The following RRAGC variants were observed in gnomAD, a reference collection of about 807,000 sequenced individuals.
RRAGC encodes the protein Ras related GTP binding C, also known as ras-related GTP-binding protein C.
Under a neutral mutation model 37.1 loss-of-function variants are expected in RRAGC, and 8 were observed. The ratio of observed to expected loss-of-function variants is 0.22; its 90% confidence interval spans 0.13 to 0.39. The LOEUF is 0.39. RRAGC is among the 10% of genes least tolerant of loss of function. RRAGC has a pLI of 1.00. For synonymous variants in RRAGC, 190 were observed against 181.1 expected (o/e 1.05, Z -0.39); for missense variants, 342 against 497.6 (o/e 0.69, Z 2.98).
At position 38,839,611 on chromosome 1, in the gene RRAGC, G is replaced by C. The variant is rs373907856; in HGVS notation, c.1142C>G (p.Thr381Ser). 2 of 1,614,030 alleles carry C rather than the reference G, an allele frequency of 1.2e-6. No homozygotes were observed. Among genetic ancestry groups the C allele is most frequent in the African/African-American group, 2.7e-5 (2 of 74,918 alleles). The change falls in exon 7 of 7, where the codon ACT becomes AGT. Residue 381 changes from threonine (T) to serine (S), a missense_variant. Physicochemically the swap from Thr to Ser is moderately conservative, Grantham distance 58. Transcript: ENST00000373001. The part of the protein sequence containing the change: ...VTSHRSCGHQ[T>S]SASSLKALTH... Reference sequence around the variant, plus strand: ...CAGCGCTTTCAGACTGGAGGCACTAGTCTGGTGACCACAGCTCCTGTGAGA... The same window carrying C: ...CAGCGCTTTCAGACTGGAGGCACTACTCTGGTGACCACAGCTCCTGTGAGA...
chr1:38,842,880 G>A (rs1356250559), intron 6 of RRAGC, among the ~76,000 whole-genome samples: 4 of 152,264 alleles, frequency 2.6e-5, no homozygotes, highest in African/African-American at 7.2e-5. Context: ...AAAACCACCT[G>A]AAGGAAAAGA....
At chr1:38,848,949 T>C (rs1402372297) in intron 5 of RRAGC, among the ~76,000 whole-genome samples, 2 of 151,762 alleles carry the variant, frequency 1.3e-5, no homozygotes, top group African/African-American at 2.4e-5. Context: ...CTAGGCAACA[T>C]AGTGAGACCC....
At chr1:38,840,410 G>A (rs115070105) in intron 6 of RRAGC, among the ~76,000 whole-genome samples, 6,855 of 152,244 alleles carry the variant, frequency 0.045, 527 homozygotes, top group African/African-American at 0.16. Flanking sequence ...TACACAGCAC[G>A]ATAGAGGGTA....
At chr1:38,850,077 G>A (rs1206163996) in intron 5 of RRAGC, among the ~76,000 whole-genome samples, 6 of 151,470 alleles carry the variant, frequency 4.0e-5, no homozygotes, top group Non-Finnish European at 4.4e-5. Context: ...ATGGTGGCAG[G>A]CACCTATAAT....
rs1022302016 is a variant in RRAGC at position 38,839,166 on chromosome 1, G to C, written c.*387C>G. On this transcript the variant is annotated 3_prime_UTR_variant, in exon 7 of 7. Coordinates refer to ENST00000373001, the MANE Select transcript of RRAGC (RefSeq NM_022157.4). ...CTACTCAAATGAAAGCCTAAGTGAA[G>C]CATATAAAAATTCAGTCTTTTCTAT... The C allele has an allele frequency of 6.0e-6, 1 of 165,392 alleles. No homozygotes were observed. The highest frequency in any genetic ancestry group is 2.4e-5 in the African/African-American group (1 of 41,948). 10.2% of individuals were successfully genotyped at this position (165,392 alleles called of 1,614,324 possible).
rs11810270 is a variant in RRAGC at position 38,846,119 on chromosome 1, G to A, written c.900-32C>T. On this transcript the variant is annotated intron_variant, in intron 5 of 6. Transcript: ENST00000373001. ...TAAAAGAAAGTACTATTCATTACAGGTTTCCCATCTAGGCATCTGCCACAT... is the reference window on the plus strand; with the variant it reads ...TAAAAGAAAGTACTATTCATTACAGATTTCCCATCTAGGCATCTGCCACAT... 4,073 of 1,566,698 alleles carry A rather than the reference G, an allele frequency of 2.6e-3. 78 individuals are homozygous for A. In the African/African-American group the frequency reaches 0.045, roughly 17 times the overall value.
Position 38,839,590 on chromosome 1 carries a change from G to A in RRAGC, c.1163C>T (p.Ala388Val), listed in dbSNP as rs759007028. 8.1e-6 allele frequency: 13 copies of A among 1,614,032 alleles called. No individual in the cohort carries two copies. The highest frequency in any genetic ancestry group is 3.3e-5 in the Admixed American group (2 of 60,002). The change falls in exon 7 of 7, where the codon GCG becomes GTG. Residue 388 changes from alanine (A) to valine (V), a missense_variant. Around this residue, in one of 3 missense-constraint regions of RRAGC, gnomAD observed 104 missense variants for 127.0 expected, o/e 0.82. Transcript: ENST00000373001. ...GHQTSASSLK[A>V]LTHNGTPRNA... ...TCGTGGCGTGCCATTGTGTGTCAGC[G>A]CTTTCAGACTGGAGGCACTAGTCTG...
intron 2 of RRAGC, chr1:38,856,653 A>G (rs1443428905): frequency 2.4e-6 from 1 of 419,240 alleles, no homozygotes; most frequent in African/African-American, 2.0e-5. Flanking sequence ...CTGCTCATCA[A>G]CTAGGACTCA....
rs1295021222 is a variant in RRAGC at position 38,851,558 on chromosome 1, T to C, written c.899+57A>G. Reference sequence around the variant, plus strand: ...CTCAGAAATTAGTCTTCTGAACAAATCAAGTTAATAGTTTTCCGCCTGTCT... The same window carrying C: ...CTCAGAAATTAGTCTTCTGAACAAACCAAGTTAATAGTTTTCCGCCTGTCT... On this transcript the variant is annotated intron_variant, in intron 5 of 6. Coordinates refer to ENST00000373001, the MANE Select transcript of RRAGC (RefSeq NM_022157.4). 5 of 1,433,428 alleles carry C rather than the reference T, an allele frequency of 3.5e-6. No homozygotes were observed. The Admixed American group carries it at 1.3e-4, about 39-fold the overall frequency. 88.8% of individuals were successfully genotyped at this position (1,433,428 alleles called of 1,614,324 possible).
intron 5 of RRAGC, chr1:38,851,379 T>C (rs944165723): frequency 7.6e-5 from 24 of 317,002 alleles, no homozygotes; most frequent in Admixed American, 4.8e-5. Context: ...CTTGCAGTGA[T>C]AAACAAGTCC....
intron 5 of RRAGC, among the ~76,000 whole-genome samples, chr1:38,848,707 A>G (rs1642056108): frequency 6.6e-6 from 1 of 152,192 alleles, no homozygotes; most frequent in African/African-American, 2.4e-5. Flanking sequence ...AAGGCAGGCC[A>G]AGAGTGGTGG....
At chr1:38,844,448 G>GAAAA (rs770037090) in intron 6 of RRAGC, among the ~76,000 whole-genome samples, 1 of 98,142 alleles carries the variant, frequency 1.0e-5, no homozygotes. Context: ...CAGGACTGAG[G>GAAAA]AAAAAAAAAA....
Position 38,859,727 on chromosome 1 carries a change from C to G in RRAGC, c.-81G>C. On this transcript the variant is annotated 5_prime_UTR_variant, in exon 1 of 7. Transcript: ENST00000373001. The stretch of plus-strand genomic sequence containing the variant: ...CCGCCGCCTCCCCAGTCCGCCTCCG[C>G]CGCCGCCGCCACCACCGCCACCGCC... 1 of 1,184,186 alleles carries G rather than the reference C, an allele frequency of 8.4e-7. No homozygotes were observed. The highest frequency in any genetic ancestry group is 1.1e-6 in the Non-Finnish European group (1 of 943,000). 73.4% of individuals were successfully genotyped at this position (1,184,186 alleles called of 1,614,324 possible).
At chr1:38,845,514 T>C (rs1474276523) in intron 6 of RRAGC, among the ~76,000 whole-genome samples, 2 of 151,992 alleles carry the variant, frequency 1.3e-5, no homozygotes, top group Admixed American at 6.6e-5. Context: ...TTAGGAGAAA[T>C]ACCTAATGTA....
Position 38,839,464 on chromosome 1 carries a change from A to G in RRAGC, c.*89T>C, listed in dbSNP as rs1641923572. 2.1e-6 allele frequency: 3 copies of G among 1,433,806 alleles called. No individual in the cohort carries two copies. Among genetic ancestry groups the G allele is most frequent in the Non-Finnish European group, 1.9e-6 (2 of 1,053,598 alleles). The allele number at this position is 1,433,806 out of a possible 1,614,324, so 88.8% of individuals were successfully genotyped here. A position where few individuals can be genotyped will look rare whatever the true frequency, so the allele number is the denominator to read the frequency against. On this transcript the variant is annotated 3_prime_UTR_variant, in exon 7 of 7. Coordinates refer to ENST00000373001, the MANE Select transcript of RRAGC (RefSeq NM_022157.4). ...AGTGGAACAGGCACCAGATTCCCAC[A>G]AGCAGCAGCTCCCATGTCCTGTAGC...
At chr1:38,852,693 G>A (rs1460704238) in intron 3 of RRAGC, 3 of 362,636 alleles carry the variant, frequency 8.3e-6, no homozygotes, top group Non-Finnish European at 1.5e-5. Context: ...TTTACACAGG[G>A]GGCAACTGAA....
At chr1:38,857,590 C>T (rs1424689604) in intron 1 of RRAGC, among the ~76,000 whole-genome samples, 1 of 152,166 alleles carries the variant, frequency 6.6e-6, no homozygotes, top group Non-Finnish European at 1.5e-5. Flanking sequence ...TGAAAACGTC[C>T]AGGGGGAGGC....
intron 1 of RRAGC, 33 bp from the exon 2 acceptor site, chr1:38,857,115 T>C (rs767435792): frequency 2.8e-6 from 4 of 1,454,468 alleles, no homozygotes; most frequent in East Asian, 4.6e-5. Context: ...TTTATGACTA[T>C]TAAACTTCAG....
intron 5 of RRAGC, among the ~76,000 whole-genome samples, chr1:38,850,605 C>CA (rs140450290): frequency 0.012 from 1,885 of 152,128 alleles, 60 homozygotes; most frequent in African/African-American, 0.044. Flanking sequence ...ATAGGTAAGA[C>CA]AAATGTACTC....
Sources: allele counts gnomAD v4.1 joint callset (sites outside exome capture counted in the v4.1 genomes callset), GRCh38; gene constraint gnomAD v4.1.1; regional missense constraint gnomAD v4.1.1; transcripts MANE v1.5; gene names NCBI Gene and HGNC (gene_info 2026-07-23, HGNC 2026-07-21).